The following CRBN variants were observed in gnomAD, a reference collection of about 807,000 sequenced individuals.
CRBN encodes the protein protein cereblon.
In CRBN, 53 loss-of-function variants were observed where a neutral mutation model predicts 62.2. The observed-to-expected ratio is 0.85, with a 90% CI of 0.68 to 1.07. The LOEUF (loss-of-function observed/expected upper bound fraction) is 1.07, where lower values mean the gene tolerates loss of function less well. CRBN is among the 50% of genes least tolerant of loss of function. The pLI, the probability that CRBN is intolerant of heterozygous loss-of-function variation, is 0.00. For missense variants in CRBN, 616 were observed against 531.1 expected, an observed-to-expected ratio of 1.16 and a Z score of -1.57; for synonymous variants, 208 against 176.1, an observed-to-expected ratio of 1.18 and a Z score of -1.43.
At chr3:3,178,394 T>C (rs1185358862) in intron 1 of CRBN, among the ~76,000 whole-genome samples, 3 of 152,344 alleles carry the variant, frequency 2.0e-5, no homozygotes, top group East Asian at 3.9e-4. Context: ...CAAGCATAGA[T>C]TTCTTTAGGC....
At position 3,173,955 on chromosome 3, in the gene CRBN, C is replaced by G. The variant is rs189827151; in HGVS notation, c.377+104G>C. 5,701 of 977,284 alleles carry G rather than the reference C, an allele frequency of 5.8e-3. 20 individuals carry two copies. Among genetic ancestry groups the G allele is most frequent in the Non-Finnish European group, 6.9e-3 (4,266 of 613,994 alleles). The allele number at this position is 977,284 out of a possible 1,614,324, so 60.5% of individuals were successfully genotyped here. A position where few individuals can be genotyped will look rare whatever the true frequency, so the allele number is the denominator to read the frequency against. On this transcript the variant is annotated intron_variant, in intron 3 of 10. Coordinates refer to ENST00000231948, the MANE Select transcript of CRBN (RefSeq NM_016302.4). ...TCCTAACCTCACATTCTTACCCAACCTCTCCTGTACATGCGAAATAACAGC... is the reference window on the plus strand; with the variant it reads ...TCCTAACCTCACATTCTTACCCAACGTCTCCTGTACATGCGAAATAACAGC...
chr3:3,172,638 G>GATGCATAGCAA (rs1559256037), intron 4 of CRBN, 138 bp downstream of exon 4: 17 of 879,506 alleles, frequency 1.9e-5, no homozygotes, highest in Non-Finnish European at 2.8e-5. Flanking sequence ...GGAAACCACT[G>GATGCATAGCAA]GGCTATACCT....
intron 5 of CRBN, among the ~76,000 whole-genome samples, chr3:3,162,199 C>A (rs1397916599): frequency 6.6e-6 from 1 of 152,172 alleles, no homozygotes; most frequent in African/African-American, 2.4e-5. Context: ...ATACTCAACT[C>A]TTTTCTGATT....
intron 4 of CRBN, chr3:3,172,552 G>A: frequency 1.8e-6 from 1 of 568,564 alleles, no homozygotes; most frequent in Non-Finnish European, 3.1e-6. Flanking sequence ...ACTCTCTGGA[G>A]ATGGGAGATG....
At chr3:3,177,057 G>A (rs1259301805) in intron 1 of CRBN, among the ~76,000 whole-genome samples, 1 of 152,192 alleles carries the variant, frequency 6.6e-6, no homozygotes, top group Non-Finnish European at 1.5e-5. Context: ...CTAGTGGGTA[G>A]AGGCCAGGGA....
At position 3,166,657 on chromosome 3, in the gene CRBN, A is replaced by C. The variant is rs79185637; in HGVS notation, c.687+977T>G. 1.9e-3 allele frequency among the ~76,000 whole-genome samples: 282 copies of C among 152,288 alleles called. 2 individuals are homozygous for C. Among genetic ancestry groups the C allele is most frequent in the African/African-American group, 5.1e-3 (213 of 41,566 alleles). On this transcript the variant is annotated intron_variant, in intron 5 of 10. Transcript: ENST00000231948. ...TGAAACAGATCAGTTAACTGAGATA[A>C]AGACCAGGAAGTCTTATAGATACCT...
At chr3:3,167,342 G>A (rs1311727641) in intron 5 of CRBN, 1 of 289,612 alleles carries the variant, frequency 3.5e-6, no homozygotes. Flanking sequence ...CATCTAATTT[G>A]ATCATAGTTT....
chr3:3,159,652 A>G (rs1046961546), intron 5 of CRBN, among the ~76,000 whole-genome samples: 5 of 152,202 alleles, frequency 3.3e-5, no homozygotes, highest in Non-Finnish European at 4.4e-5. Context: ...GACCTCTAAA[A>G]TTCTTTATCT....
chr3:3,179,589 C>A (rs370713151), intron 1 of CRBN, 32 bp downstream of exon 1: 2 of 1,609,208 alleles, frequency 1.2e-6, no homozygotes, highest in Non-Finnish European at 1.7e-6. Flanking sequence ...TCGCCCCACT[C>A]CCGACTACAG....
In CRBN at chr3:3,167,584, AAAC is replaced by A. The variant is rs767710007; in HGVS notation, c.687+47_687+49del. 6.4e-6 allele frequency: 10 copies of A among 1,572,244 alleles called. No homozygotes were observed. The African/African-American group carries it at 1.1e-4, about 17-fold the overall frequency. On this transcript the variant is annotated intron_variant, in intron 5 of 10. Transcript: ENST00000231948. ...TGTTTCTTTCTTAAAACAGGAAAAA[AAAC>A]AACCTGTCTTCATTTTTTGAAGATG... is the stretch of plus-strand genomic sequence containing the variant.
chr3:3,150,577 CCATCAATGACATGCTACCAGA>C lies in CRBN; in HGVS notation c.*267_*287del, dbSNP rs1706455799. ...TCATTTCCAAAGATGTCTTCATGTC[CCATCAATGACATGCTACCAGA>C]CATATCAGATTCCACAGGATAATGG... is the stretch of plus-strand genomic sequence containing the variant. On this transcript the variant is annotated 3_prime_UTR_variant, in exon 11 of 11. Coordinates refer to ENST00000231948, the MANE Select transcript of CRBN (RefSeq NM_016302.4). 7.0e-6 allele frequency: 2 copies of C among 286,796 alleles called. No homozygotes were observed. Among genetic ancestry groups the C allele is most frequent in the Admixed American group, 9.6e-5 (2 of 20,764 alleles). 17.8% of individuals were successfully genotyped at this position (286,796 alleles called of 1,614,324 possible).
chr3:3,154,195 A>T, intron 7 of CRBN, 120 bp from the exon 8 acceptor site: 2 of 678,444 alleles, frequency 2.9e-6, no homozygotes, highest in Non-Finnish European at 2.7e-6. Flanking sequence ...CATTTTATAC[A>T]AGTATAAACA....
chr3:3,171,390 C>T (rs1187316052), intron 4 of CRBN, among the ~76,000 whole-genome samples: 1 of 151,952 alleles, frequency 6.6e-6, no homozygotes, highest in Non-Finnish European at 1.5e-5. Flanking sequence ...TGCAGACCAC[C>T]CCCACCCGCC....
chr3:3,156,963 T>C (rs985761248), intron 5 of CRBN, among the ~76,000 whole-genome samples: 6 of 152,218 alleles, frequency 3.9e-5, no homozygotes, highest in African/African-American at 1.4e-4. Flanking sequence ...ATGTGAATTG[T>C]AGAAATTGTA....
chr3:3,150,934 A>C lies in CRBN; in HGVS notation c.1260T>G (p.Ser420=). The change falls in exon 11 of 11, where the codon TCT becomes TCG. Residue 420 remains serine (S), a synonymous_variant. Transcript: ENST00000231948. ...TGTCTGGGATCGTGGGCAACAGAGC[A>C]GATCGCGTTAAGCCCCAAAATTTTT... The part of the protein sequence containing the change: ...SPQKFWGLTR[S]ALLPTIPDTE... The C allele has an allele frequency of 6.2e-7, 1 of 1,614,034 alleles. No homozygotes were observed. Among genetic ancestry groups the C allele is most frequent in the South Asian group, 1.1e-5 (1 of 91,080 alleles).
intron 4 of CRBN, among the ~76,000 whole-genome samples, chr3:3,170,031 G>A (rs1232181090): frequency 1.3e-5 from 2 of 152,030 alleles, no homozygotes; most frequent in Non-Finnish European, 2.9e-5. Context: ...CGAAGCTGGA[G>A]TGCAGCGGTA....
intron 9 of CRBN, chr3:3,153,030 T>C (rs748337554): frequency 2.6e-5 from 8 of 305,230 alleles, no homozygotes; most frequent in Admixed American, 2.4e-4. Flanking sequence ...AACACTGTTA[T>C]ATCAGAGCAT....
chr3:3,151,832 C>CAAACAAAG (rs756014342), intron 10 of CRBN, among the ~76,000 whole-genome samples: 35 of 151,916 alleles, frequency 2.3e-4, no homozygotes, highest in Non-Finnish European at 4.3e-4. Context: ...CTGAAGCAAA[C>CAAACAAAG]AAACAAAAGG....
chr3:3,152,939 G>A, intron 9 of CRBN: 1 of 316,172 alleles, frequency 3.2e-6, no homozygotes. Context: ...GGTCATTTTG[G>A]GGCAGTTGAT....
Sources: gnomAD v4.1 joint callset for allele counts (sites outside exome capture counted in the v4.1 genomes callset) on GRCh38, gnomAD v4.1.1 for gene constraint, MANE v1.5 for transcripts, NCBI Gene and HGNC (gene_info 2026-07-23, HGNC 2026-07-21) for gene names.